The following TRIOBP variants were observed in gnomAD, a reference collection of about 807,000 sequenced individuals.
TRIOBP encodes the protein TRIO and F-actin binding protein.
In TRIOBP, 169 loss-of-function variants were observed where a neutral mutation model predicts 238.8. That is an observed-to-expected ratio of 0.71 (90% CI 0.62 to 0.80). The LOEUF is 0.80. Ranked by LOEUF, TRIOBP falls within the 30% of genes least tolerant of loss-of-function variation. TRIOBP has a pLI of 0.00. For synonymous variants in TRIOBP, 1,150 were observed against 1,274.4 expected, an observed-to-expected ratio of 0.90 and a Z score of 2.08; for missense variants, 2,838 against 3,122.6, an observed-to-expected ratio of 0.91 and a Z score of 2.17.
Position 37,723,199 on chromosome 22 carries a change from G to A in TRIOBP, c.643G>A (p.Gly215Ser), listed in dbSNP as rs1569039933. The A allele has an allele frequency of 6.2e-7, 1 of 1,613,776 alleles. No individual in the cohort carries two copies. Among genetic ancestry groups the A allele is most frequent in the Non-Finnish European group, 8.5e-7 (1 of 1,179,830 alleles). The change falls in exon 7 of 24, where the codon GGC becomes AGC. Residue 215 changes from glycine to serine, a missense_variant. By Grantham distance (56) the Gly-to-Ser change is moderately conservative. Coordinates refer to ENST00000644935, the MANE Select transcript of TRIOBP (RefSeq NM_001039141.3). ...TCTCTCTCCAGACACCGGCGGTGGG[G>A]GCCGGAGCGCAGGACAGCACTGGGC... Reference protein sequence around the residue: ...GQKKEDTGGGGRSAGQHWARL... With the variant: ...GQKKEDTGGGSRSAGQHWARL...
chr22:37,705,587 T>A (rs1418189203), intron 3 of TRIOBP, among the ~76,000 whole-genome samples: 1 of 151,938 alleles, frequency 6.6e-6, no homozygotes, highest in African/African-American at 2.4e-5. Context: ...TGTTTTTGTT[T>A]TTTTTTGAGA....
chr22:37,767,324 AAAAG>A (rs1926555538), intron 18 of TRIOBP, among the ~76,000 whole-genome samples: 5 of 151,734 alleles, frequency 3.3e-5, no homozygotes, highest in Non-Finnish European at 5.9e-5. Flanking sequence ...AAGAAAGAAA[AAAAG>A]GAGAGAAACT....
chr22:37,713,439 C>G, intron 5 of TRIOBP, 28 bp downstream of exon 5: 1 of 1,608,342 alleles, frequency 6.2e-7, no homozygotes, highest in Non-Finnish European at 8.5e-7. Context: ...GTTTGGGGGA[C>G]AAGAGTGGCT....
chr22:37,713,917 C>T (rs76399168), intron 5 of TRIOBP, among the ~76,000 whole-genome samples: 6,885 of 152,198 alleles, frequency 0.045, 547 homozygotes, highest in African/African-American at 0.16. Context: ...GAGGGGCTGC[C>T]GCAGAGCAGA....
At chr22:37,717,214 G>C (rs1158709596) in intron 6 of TRIOBP, among the ~76,000 whole-genome samples, 2 of 152,184 alleles carry the variant, frequency 1.3e-5, no homozygotes, top group Non-Finnish European at 2.9e-5. Flanking sequence ...TTTCCTCCCT[G>C]TGGGTTCATG....
chr22:37,710,800 C>T (rs1393114715), intron 4 of TRIOBP, among the ~76,000 whole-genome samples: 1 of 152,206 alleles, frequency 6.6e-6, no homozygotes, highest in African/African-American at 2.4e-5. Flanking sequence ...CTCCCCTCCC[C>T]AGTCCTGGCT....
At chr22:37,710,299 T>TAGAAGCAGGATCCC in intron 3 of TRIOBP, 128 bp from the exon 4 acceptor site, 1 of 1,403,434 alleles carries the variant, frequency 7.1e-7, no homozygotes, top group Non-Finnish European at 9.8e-7. Flanking sequence ...GATGGGCAGC[T>TAGAAGCAGGATCCC]CCTTGAGAAG....
chr22:37,769,410 G>C (rs1257299061), intron 21 of TRIOBP, 35 bp downstream of exon 21: 1 of 1,543,246 alleles, frequency 6.5e-7, no homozygotes, highest in Non-Finnish European at 8.7e-7. Flanking sequence ...CAGCCCAGTG[G>C]TTCTCGGGGC....
rs904157222 is a variant in TRIOBP, at chr22:37,725,908, G to A, written c.3352G>A (p.Asp1118Asn). ...TGCACCTGTGTGTATTGGGTACCGAGATGCACCCCGGGCCTCCTCCCCACC... is the reference window on the plus strand; with the variant it reads ...TGCACCTGTGTGTATTGGGTACCGAAATGCACCCCGGGCCTCCTCCCCACC... ...LPAPVCIGYR[D>N]APRASSPPRQ... Residue 1118 changes from aspartate to asparagine, a missense_variant, in exon 7 of 24, where the codon GAT becomes AAT. By Grantham distance (23) the Asp-to-Asn change is conservative. Around this residue, in one of 5 missense-constraint regions of TRIOBP, gnomAD observed 2,096 missense variants for 2,137.4 expected, o/e 0.98. Coordinates refer to ENST00000644935, the MANE Select transcript of TRIOBP (RefSeq NM_001039141.3). The A allele has an allele frequency of 6.2e-7, 1 of 1,613,368 alleles. No homozygotes were observed. The highest frequency in any genetic ancestry group is 1.3e-5 in the African/African-American group (1 of 74,810).
chr22:37,719,240 C>G (rs999826306), intron 6 of TRIOBP, among the ~76,000 whole-genome samples: 1 of 148,654 alleles, frequency 6.7e-6, no homozygotes, highest in African/African-American at 2.5e-5. Flanking sequence ...TAAATAAGGG[C>G]CATGGTTGTG....
chr22:37,718,501 C>T (rs998922611), intron 6 of TRIOBP, among the ~76,000 whole-genome samples: 1 of 151,378 alleles, frequency 6.6e-6, no homozygotes, highest in South Asian at 2.1e-4. Context: ...GGCTGCTCAG[C>T]ATCCCCAGAG....
intron 3 of TRIOBP, among the ~76,000 whole-genome samples, chr22:37,703,018 A>G (rs1241346012): frequency 4.0e-5 from 6 of 149,840 alleles, no homozygotes; most frequent in Admixed American, 6.7e-5. Context: ...TTCATTTGAG[A>G]CGGAGTCTCT....
At chr22:37,751,913 G>T in intron 12 of TRIOBP, 85 bp downstream of exon 12, 1 of 1,420,768 alleles carries the variant, frequency 7.0e-7, no homozygotes. Context: ...GGTGGGGCTG[G>T]GGCTGGTGTG....
At chr22:37,749,246 T>C (rs1569053510) in intron 11 of TRIOBP, among the ~76,000 whole-genome samples, 1 of 152,000 alleles carries the variant, frequency 6.6e-6, no homozygotes, top group Non-Finnish European at 1.5e-5. Context: ...TCTCAGGTAT[T>C]TGGGAGGCTG....
intron 7 of TRIOBP, among the ~76,000 whole-genome samples, chr22:37,731,153 T>C (rs1924402849): frequency 6.6e-6 from 1 of 151,932 alleles, no homozygotes; most frequent in Admixed American, 6.6e-5. Context: ...ATACTTTTTT[T>C]TTGAGACAGG....
At chr22:37,719,311 C>T (rs4821698) in intron 6 of TRIOBP, among the ~76,000 whole-genome samples, 37,725 of 151,680 alleles carry the variant, frequency 0.25, 5,619 homozygotes, top group South Asian at 0.4. Flanking sequence ...GTACTTTGGA[C>T]AGGAGGATAC....
Position 37,725,775 on chromosome 22 carries a change from G to A in TRIOBP, c.3219G>A (p.Ala1073=), listed in dbSNP as rs374759271. 156 of 1,555,094 alleles carry A rather than the reference G, an allele frequency of 1.0e-4. No individual in the cohort carries two copies. In the African/African-American group the frequency reaches 1.5e-3, roughly 15 times the overall value. The change falls in exon 7 of 24, where the codon GCG becomes GCA. Residue 1073 remains alanine, a synonymous_variant. Transcript: ENST00000644935. Reference sequence around the variant, plus strand: ...TTGGACACCGAGATGCCCCCCGGGCGTCCTCGCCCCCCCGCCACACCCAAT... The same window carrying A: ...TTGGACACCGAGATGCCCCCCGGGCATCCTCGCCCCCCCGCCACACCCAAT... ...VCIGHRDAPR[A]SSPPRHTQFD...
chr22:37,735,020 C>A lies in TRIOBP; in HGVS notation c.4684C>A (p.Leu1562Met). ...GCGACCCGAGCTTGACTGGAGGGATCTGCTTGGCCTTCTCCGGGCACCAGG... is the reference window on the plus strand; with the variant it reads ...GCGACCCGAGCTTGACTGGAGGGATATGCTTGGCCTTCTCCGGGCACCAGG... ...ERRPELDWRD[L>M]LGLLRAPGEG... The change falls in exon 9 of 24, where the codon CTG becomes ATG. Residue 1562 changes from leucine (L) to methionine (M), a missense_variant. Leu to Met is a conservative substitution (Grantham distance 15). Around this residue, in one of 5 missense-constraint regions of TRIOBP, gnomAD observed 2,096 missense variants for 2,137.4 expected, o/e 0.98. Coordinates refer to ENST00000644935, the MANE Select transcript of TRIOBP (RefSeq NM_001039141.3). 2 of 1,610,086 alleles carry A rather than the reference C, an allele frequency of 1.2e-6. No homozygotes were observed. Among genetic ancestry groups the A allele is most frequent in the South Asian group, 2.2e-5 (2 of 91,042 alleles).
chr22:37,726,793 G>C (rs190753500), intron 7 of TRIOBP, among the ~76,000 whole-genome samples: 1 of 152,174 alleles, frequency 6.6e-6, no homozygotes, highest in Admixed American at 6.5e-5. Context: ...ATGTCAACTC[G>C]TATGACCTGA....
Sources: allele counts gnomAD v4.1 joint callset (sites outside exome capture counted in the v4.1 genomes callset), GRCh38; gene constraint gnomAD v4.1.1; regional missense constraint gnomAD v4.1.1; transcripts MANE v1.5; gene names NCBI Gene and HGNC (gene_info 2026-07-23, HGNC 2026-07-21).